The following AUTS2 variants were observed in gnomAD, a reference collection of about 807,000 sequenced individuals.
The protein encoded by AUTS2 is autism susceptibility gene 2 protein.
A neutral mutation model predicts 112.4 loss-of-function variants in AUTS2; 17 were observed. The ratio of observed to expected loss-of-function variants is 0.15; its 90% CI spans 0.10 to 0.23. AUTS2 has a LOEUF of 0.23. AUTS2 is among the 10% of genes least tolerant of loss of function. AUTS2 has a pLI of 1.00. For missense variants in AUTS2, 1,510 were observed against 1,701.6 expected, an observed-to-expected ratio of 0.89 and a Z score of 1.98; for synonymous variants, 751 against 702.7, an observed-to-expected ratio of 1.07 and a Z score of -1.09.
At chr7:70,062,673 G>C (rs772322993) in intron 2 of AUTS2, among the ~76,000 whole-genome samples, 1 of 152,060 alleles carries the variant, frequency 6.6e-6, no homozygotes, top group Non-Finnish European at 1.5e-5. Flanking sequence ...CTCATGTTAC[G>C]CATGTTTCTA....
chr7:69,922,930 A>G (rs1795870294), intron 2 of AUTS2, among the ~76,000 whole-genome samples: 2 of 152,202 alleles, frequency 1.3e-5, no homozygotes, highest in African/African-American at 4.8e-5. Flanking sequence ...ATATTGTTCA[A>G]AAAAGAAATG....
chr7:70,435,148 T>TAAA (rs1795837603), intron 4 of AUTS2, among the ~76,000 whole-genome samples: 1 of 152,204 alleles, frequency 6.6e-6, no homozygotes, highest in Non-Finnish European at 1.5e-5. Flanking sequence ...GCATACTTTT[T>TAAA]ATAGGGAATG....
chr7:69,865,657 A>C (rs1408656543), intron 1 of AUTS2, among the ~76,000 whole-genome samples: 1 of 152,150 alleles, frequency 6.6e-6, no homozygotes, highest in African/African-American at 2.4e-5. Context: ...TCTTGTGCCA[A>C]GGCCATTCTC....
intron 4 of AUTS2, among the ~76,000 whole-genome samples, chr7:70,353,489 T>A (rs530063163): frequency 1.9e-4 from 29 of 152,252 alleles, no homozygotes; most frequent in African/African-American, 6.5e-4. Flanking sequence ...GGAGGGTGGC[T>A]GACCCAGGGA....
intron 5 of AUTS2, among the ~76,000 whole-genome samples, chr7:70,472,321 G>C (rs1797418665): frequency 6.6e-6 from 1 of 151,014 alleles, no homozygotes; most frequent in Non-Finnish European, 1.5e-5. Context: ...CAGCAGGCAA[G>C]TTGTTTTGTT....
At chr7:70,627,310 T>C (rs10242748) in intron 5 of AUTS2, among the ~76,000 whole-genome samples, 68,683 of 152,128 alleles carry the variant, frequency 0.45, 16,082 homozygotes, top group Middle Eastern at 0.51. Context: ...TTTTGAAAAG[T>C]GTCTGTGTGT....
At chr7:69,618,993 G>T (rs941989663) in intron 1 of AUTS2, among the ~76,000 whole-genome samples, 7 of 152,116 alleles carry the variant, frequency 4.6e-5, no homozygotes, top group African/African-American at 1.7e-4. Context: ...GCTCCCCAAG[G>T]CGAGGATTCT....
At chr7:70,487,464 C>T (rs1798057468) in intron 5 of AUTS2, among the ~76,000 whole-genome samples, 1 of 152,214 alleles carries the variant, frequency 6.6e-6, no homozygotes, top group Non-Finnish European at 1.5e-5. Context: ...CTAGCGGCCT[C>T]CATCTGCCCT....
At chr7:70,317,734 G>A (rs990114959) in intron 4 of AUTS2, among the ~76,000 whole-genome samples, 1 of 152,184 alleles carries the variant, frequency 6.6e-6, no homozygotes, top group Non-Finnish European at 1.5e-5. Context: ...TAAAGGTACC[G>A]AAGGCATGGC....
intron 4 of AUTS2, among the ~76,000 whole-genome samples, chr7:70,334,904 T>C (rs533667374): frequency 6.6e-6 from 1 of 152,258 alleles, no homozygotes; most frequent in East Asian, 1.9e-4. Context: ...CAACAGCTAG[T>C]GTCAGGGCTG....
chr7:70,765,124 A>T (rs1789853838), intron 8 of AUTS2, 119 bp downstream of exon 8: 2 of 1,349,380 alleles, frequency 1.5e-6, no homozygotes, highest in East Asian at 5.1e-5. Flanking sequence ...TTCCTTCCTT[A>T]CTGTGATCTT....
At chr7:70,496,613 C>A (rs111211655) in intron 5 of AUTS2, among the ~76,000 whole-genome samples, 5 of 143,990 alleles carry the variant, frequency 3.5e-5, no homozygotes, top group African/African-American at 7.7e-5. Flanking sequence ...ACCCCACTCA[C>A]ACCACGTACA....
chr7:70,781,719 T>G lies in AUTS2; in HGVS notation c.2109T>G (p.His703Gln), dbSNP rs1260621089. The stretch of plus-strand genomic sequence containing the variant: ...TTTTTGGAGCCATCCACCACCCCCA[T>G]GACCTGGCACGGCCTTCAACTTTGT... ...PSLFGAIHHP[H>Q]DLARPSTLFS... Residue 703 changes from histidine (H) to glutamine (Q), a missense_variant, in exon 15 of 19, where the codon CAT becomes CAG. Physicochemically the swap from His to Gln is conservative, Grantham distance 24. Coordinates refer to ENST00000342771, the MANE Select transcript of AUTS2 (RefSeq NM_015570.4). The G allele has an allele frequency of 3.1e-6, 5 of 1,614,160 alleles. No individual in the cohort carries two copies. Among genetic ancestry groups the G allele is most frequent in the Non-Finnish European group, 8.5e-7 (1 of 1,180,030 alleles).
chr7:70,663,874 A>G (rs991310451), intron 5 of AUTS2, among the ~76,000 whole-genome samples: 26 of 152,182 alleles, frequency 1.7e-4, no homozygotes. Context: ...GTGGACCATA[A>G]TCACTACCAC....
Position 69,772,974 on chromosome 7 carries a change from TA to T in AUTS2, c.310-126309del, listed in dbSNP as rs1047383847. On this transcript the variant is annotated intron_variant, in intron 1 of 18. Coordinates refer to ENST00000342771, the MANE Select transcript of AUTS2 (RefSeq NM_015570.4). The stretch of plus-strand genomic sequence containing the variant: ...TGAATAAGTTTAAAAAATTTATGCC[TA>T]AAGGTAGGTTTATGAGCTTTGCATT... Among the ~76,000 whole-genome samples, 9 of 152,302 alleles carry T rather than the reference TA, an allele frequency of 5.9e-5. No homozygotes were observed. The East Asian group carries it at 9.6e-4, about 16-fold the overall frequency.
At position 70,086,379 on chromosome 7, in the gene AUTS2, C is replaced by T. The variant is rs148829056; in HGVS notation, c.523-31753C>T. ...TGCAGTGGCCGGGCACAATGGCTCA[C>T]GCCTGTAATCCTAGCACTTTGGGAG... is the stretch of plus-strand genomic sequence containing the variant. On this transcript the variant is annotated intron_variant, in intron 2 of 18. Transcript: ENST00000342771. 4.5e-4 allele frequency among the ~76,000 whole-genome samples: 69 copies of T among 152,206 alleles called. No homozygotes were observed. The East Asian group carries it at 0.011, about 23-fold the overall frequency.
chr7:70,724,082 G>A (rs1039477607), intron 6 of AUTS2, among the ~76,000 whole-genome samples: 1 of 152,074 alleles, frequency 6.6e-6, no homozygotes, highest in Non-Finnish European at 1.5e-5. Flanking sequence ...AGTAGAGATG[G>A]GGTTTTACCA....
chr7:69,632,520 C>A (rs1461553395), intron 1 of AUTS2, among the ~76,000 whole-genome samples: 1 of 150,022 alleles, frequency 6.7e-6, no homozygotes, highest in Non-Finnish European at 1.5e-5. Flanking sequence ...CCCTCTCCAC[C>A]CCCTCTCCTC....
At chr7:69,666,488 A>G (rs971529687) in intron 1 of AUTS2, among the ~76,000 whole-genome samples, 1 of 152,228 alleles carries the variant, frequency 6.6e-6, no homozygotes, top group Non-Finnish European at 1.5e-5. Flanking sequence ...CTTCTAAAAT[A>G]AAACAAACAG....
Sources: allele counts gnomAD v4.1 joint callset (sites outside exome capture counted in the v4.1 genomes callset), GRCh38; gene constraint gnomAD v4.1.1; transcripts MANE v1.5; gene names NCBI Gene and HGNC (gene_info 2026-07-23, HGNC 2026-07-21).